PIK3C2G: variants seen among roughly 807,000 people sequenced by gnomAD.
PIK3C2G encodes phosphatidylinositol-4-phosphate 3-kinase catalytic subunit type 2 gamma, also known as phosphatidylinositol 3-kinase C2 domain-containing subunit gamma.
Under a neutral mutation model 181.1 loss-of-function variants are expected in PIK3C2G, and 168 were observed. That is an observed-to-expected ratio of 0.93 (90% CI 0.82 to 1.05). The LOEUF (loss-of-function observed/expected upper bound fraction) is 1.05. PIK3C2G is among the 50% of genes least tolerant of loss of function. The pLI, the probability that PIK3C2G is intolerant of heterozygous loss-of-function variation, is 0.00. For missense variants in PIK3C2G, 1,869 were observed against 1,732.8 expected, an observed-to-expected ratio of 1.08 and a Z score of -1.40; for synonymous variants, 573 against 592.2, an observed-to-expected ratio of 0.97 and a Z score of 0.47.
chr12:18,539,428 A>T (rs1565488768), intron 25 of PIK3C2G, among the ~76,000 whole-genome samples: 1 of 151,886 alleles, frequency 6.6e-6, no homozygotes, highest in African/African-American at 2.4e-5. Context: ...GTAGACTTCA[A>T]TTCATTTATG....
chr12:18,612,368 C>T (rs187500253), intron 31 of PIK3C2G, among the ~76,000 whole-genome samples: 29 of 152,200 alleles, frequency 1.9e-4, no homozygotes, highest in African/African-American at 7.0e-4. Flanking sequence ...CACTTTTAAC[C>T]TTTCTTTTCT....
chr12:18,642,040 T>C (rs997106365), intron 32 of PIK3C2G, among the ~76,000 whole-genome samples: 5 of 152,264 alleles, frequency 3.3e-5, no homozygotes, highest in Non-Finnish European at 7.4e-5. Context: ...TGAGCCACCA[T>C]GCCCGGCCTC....
At chr12:18,328,923 G>T (rs1951469898) in intron 8 of PIK3C2G, among the ~76,000 whole-genome samples, 1 of 151,782 alleles carries the variant, frequency 6.6e-6, no homozygotes, top group Non-Finnish European at 1.5e-5. Flanking sequence ...AAGAAAATTG[G>T]ATAAAATTAA....
At chr12:18,346,890 T>G in intron 11 of PIK3C2G, 54 bp downstream of exon 11, 1 of 1,174,856 alleles carries the variant, frequency 8.5e-7, no homozygotes, top group Non-Finnish European at 1.2e-6. Context: ...AGCTTCTAAG[T>G]AGAATGCAAT....
At chr12:18,538,413 A>G in intron 25 of PIK3C2G, 101 bp downstream of exon 25, 4 of 954,706 alleles carry the variant, frequency 4.2e-6, no homozygotes, top group South Asian at 1.8e-5. Context: ...CCAAGGAGCT[A>G]TTCGGAAGAG....
the PIK3C2G span, among the ~76,000 whole-genome samples, chr12:18,711,529 T>TATAATAATAATAATAATA: frequency 6.7e-4 from 95 of 142,470 alleles, no homozygotes; most frequent in Middle Eastern, 3.6e-3. Context: ...AAACTTAAAG[T>TATAATAATAATAATAATA]ATAATAATAA....
At chr12:18,692,790 G>A in the PIK3C2G span, 424,401 of 1,416,972 alleles carry the variant, frequency 0.3, 67,929 homozygotes, top group African/African-American at 0.52. Context: ...TGGTGGTCAT[G>A]GTCCTGGAGG....
At chr12:18,410,786 T>C (rs1390963076) in intron 16 of PIK3C2G, among the ~76,000 whole-genome samples, 1 of 152,184 alleles carries the variant, frequency 6.6e-6, no homozygotes. Flanking sequence ...ACATATAATG[T>C]TTATGTTTAG....
At chr12:18,477,631 T>C (rs1592359255) in intron 18 of PIK3C2G, among the ~76,000 whole-genome samples, 1 of 152,186 alleles carries the variant, frequency 6.6e-6, no homozygotes, top group South Asian at 2.1e-4. Flanking sequence ...AGGGGACAAG[T>C]TCTTTTATGA....
At chr12:18,431,787 T>C (rs1371416714) in intron 18 of PIK3C2G, among the ~76,000 whole-genome samples, 5 of 152,214 alleles carry the variant, frequency 3.3e-5, no homozygotes, top group African/African-American at 1.2e-4. Flanking sequence ...GCTTCATCTT[T>C]TGTTAGGGAA....
intron 31 of PIK3C2G, among the ~76,000 whole-genome samples, chr12:18,629,618 G>A (rs79518739): frequency 0.018 from 2,806 of 152,286 alleles, 55 homozygotes; most frequent in African/African-American, 0.049. Context: ...GGTAGTTGGC[G>A]TGTAATTGCC....
intron 16 of PIK3C2G, among the ~76,000 whole-genome samples, chr12:18,407,581 G>A (rs1192738834): frequency 2.0e-5 from 3 of 152,224 alleles, no homozygotes; most frequent in African/African-American, 7.2e-5. Flanking sequence ...TCTTCTGGAG[G>A]TAGATAATAG....
At position 18,563,524 on chromosome 12, in the gene PIK3C2G, T is replaced by C. The variant is rs747843642; in HGVS notation, c.3902+26T>C. 20 of 1,611,282 alleles carry C rather than the reference T, an allele frequency of 1.2e-5. No individual in the cohort carries two copies. In the Admixed American group the frequency reaches 3.2e-4, roughly 26 times the overall value. On this transcript the variant is annotated intron_variant, in intron 28 of 32. Transcript: ENST00000538779. ...GTAAGGCACTGTCCTTTTACATTGTTTTGCCTTCAGTACTTGTCCTTGAGC... is the reference window on the plus strand; with the variant it reads ...GTAAGGCACTGTCCTTTTACATTGTCTTGCCTTCAGTACTTGTCCTTGAGC...
chr12:18,411,768 C>T (rs912557617), intron 16 of PIK3C2G, among the ~76,000 whole-genome samples: 5 of 152,152 alleles, frequency 3.3e-5, no homozygotes, highest in Admixed American at 6.6e-5. Context: ...TTCCATTACA[C>T]TTAAATTTGA....
At chr12:18,395,971 A>G (rs1210670550) in intron 15 of PIK3C2G, among the ~76,000 whole-genome samples, 1 of 151,572 alleles carries the variant, frequency 6.6e-6, no homozygotes, top group South Asian at 2.1e-4. Context: ...GAAATGGTTT[A>G]GACAAACAAA....
At chr12:18,440,701 A>G (rs573508730) in intron 18 of PIK3C2G, among the ~76,000 whole-genome samples, 58 of 152,206 alleles carry the variant, frequency 3.8e-4, no homozygotes, top group African/African-American at 1.4e-3. Context: ...CTAGTAGTAG[A>G]TGAGGTTACA....
At position 18,488,772 on chromosome 12, in the gene PIK3C2G, T is replaced by TC. The variant is rs1940290178; in HGVS notation, c.2685+147dup. The TC allele has an allele frequency of 8.0e-6, 4 of 502,732 alleles. No homozygotes were observed. In the East Asian group the frequency reaches 1.4e-4, roughly 17 times the overall value. 31.1% of individuals were successfully genotyped at this position (502,732 alleles called of 1,614,324 possible). A position where few individuals can be genotyped will look rare whatever the true frequency, so the allele number is the denominator to read the frequency against. On this transcript the variant is annotated intron_variant, in intron 19 of 32. Transcript: ENST00000538779. ...ATCAATTACTTTAGTCAAGTTTTTT[T>TC]CCCCACCTACTGTTCTTAAGTTAAT...
chr12:18,282,867 A>G (rs1949281101), intron 2 of PIK3C2G, 108 bp downstream of exon 2: 1 of 769,292 alleles, frequency 1.3e-6, no homozygotes, highest in Non-Finnish European at 2.0e-6. Context: ...AGGGAAATCT[A>G]TTCATCTTAC....
rs532228767 is a variant in PIK3C2G, at chr12:18,268,023, C to T, written c.-79+6446C>T. Among the ~76,000 whole-genome samples the T allele has an allele frequency of 6.5e-4, 99 of 152,208 alleles. 2 individuals are homozygous for T. In the South Asian group the frequency reaches 0.019, roughly 30 times the overall value. ...GTGCAACAGATCAACCTTTTTAGGG[C>T]GGTGGAGGGAATTGATCCGACCCTA... On this transcript the variant is annotated intron_variant, in intron 1 of 32. Transcript: ENST00000538779.
Sources: allele counts gnomAD v4.1 joint callset (sites outside exome capture counted in the v4.1 genomes callset), GRCh38; gene constraint gnomAD v4.1.1; transcripts MANE v1.5; gene names NCBI Gene and HGNC (gene_info 2026-07-23, HGNC 2026-07-21).